Variants in CHMP3 observed in about 807,000 individuals in gnomAD.
CHMP3 encodes charged multivesicular body protein 3, also known as 25.1 protein.
CHMP3 carries 8 observed loss-of-function variants against 27.4 expected under a neutral mutation model. The ratio of observed to expected loss-of-function variants is 0.29; its 90% CI spans 0.17 to 0.53. CHMP3 has a LOEUF of 0.53. Among genes scored for constraint, CHMP3 ranks in the 20% least tolerant of loss-of-function variants. The pLI, the probability that CHMP3 is intolerant of heterozygous loss-of-function variation, is 0.96. For synonymous variants in CHMP3, 86 were observed against 85.5 expected (o/e 1.01, Z -0.03); for missense variants, 208 against 271.5 (o/e 0.77, Z 1.64).
intron 1 of CHMP3, among the ~76,000 whole-genome samples, chr2:86,553,692 T>C (rs1677001347): frequency 6.6e-6 from 1 of 152,168 alleles, no homozygotes. Flanking sequence ...AATCCTAAGT[T>C]TTAAAAAGTT....
chr2:86,531,396 T>C (rs1424832880), intron 2 of CHMP3, among the ~76,000 whole-genome samples: 1 of 152,180 alleles, frequency 6.6e-6, no homozygotes, highest in Non-Finnish European at 1.5e-5. Flanking sequence ...GATGGATCTA[T>C]GTTGCTCAGG....
intron 1 of CHMP3, among the ~76,000 whole-genome samples, chr2:86,544,214 T>C (rs996881591): frequency 1.3e-5 from 2 of 152,236 alleles, no homozygotes; most frequent in Middle Eastern, 3.2e-3. Flanking sequence ...AATGGAAATC[T>C]GGGTTGTTTA....
chr2:86,544,845 T>C (rs533936638), intron 1 of CHMP3, among the ~76,000 whole-genome samples: 2 of 152,368 alleles, frequency 1.3e-5, no homozygotes, highest in East Asian at 3.9e-4. Flanking sequence ...TCTTGATGGT[T>C]GCTGTCTCTT....
At chr2:86,515,636 T>C (rs1156768805) in intron 3 of CHMP3, among the ~76,000 whole-genome samples, 3 of 152,246 alleles carry the variant, frequency 2.0e-5, no homozygotes, top group Admixed American at 1.3e-4. Flanking sequence ...ATTCCTTTTA[T>C]TTGGAGGACA....
intron 2 of CHMP3, among the ~76,000 whole-genome samples, chr2:86,532,935 G>A (rs933335885): frequency 3.3e-5 from 5 of 152,158 alleles, no homozygotes; most frequent in Non-Finnish European, 7.4e-5. Context: ...GACAATACTG[G>A]CAACATAGAA....
chr2:86,547,970 A>C (rs1351818176), intron 1 of CHMP3, among the ~76,000 whole-genome samples: 2 of 152,320 alleles, frequency 1.3e-5, no homozygotes, highest in Non-Finnish European at 2.9e-5. Context: ...TAGGCAAAGG[A>C]AACTAACACC....
rs1676404393 is a variant in CHMP3 at position 86,542,455 on chromosome 2, A to T, written c.46-143T>A. ...TTCAAAGACAGAGCTTTAGGGTCAA[A>T]TTTTACTTTTTTTTAATTTCACCTC... is the stretch of plus-strand genomic sequence containing the variant. On this transcript the variant is annotated intron_variant, in intron 1 of 5. Transcript: ENST00000263856. The T allele has an allele frequency of 2.3e-5, 18 of 797,128 alleles. No individual in the cohort carries two copies. In the South Asian group the frequency reaches 3.1e-4, roughly 14 times the overall value. 49.4% of individuals were successfully genotyped at this position (797,128 alleles called of 1,614,324 possible).
chr2:86,531,877 G>C (rs1166901963), intron 2 of CHMP3, among the ~76,000 whole-genome samples: 1 of 152,134 alleles, frequency 6.6e-6, no homozygotes, highest in Non-Finnish European at 1.5e-5. Flanking sequence ...GGCAAGTTTT[G>C]AAACCAGGAA....
chr2:86,516,622 G>A lies in CHMP3; in HGVS notation c.287-6143C>T, dbSNP rs1675318226. Among the ~76,000 whole-genome samples the A allele has an allele frequency of 2.6e-5, 4 of 152,314 alleles. No individual in the cohort carries two copies. In the South Asian group the frequency reaches 8.3e-4, roughly 32 times the overall value. ...TAATAGCCAACAACTGGAAGCAACT[G>A]AGAAGGCCTACAATGGGTAAATGGT... On this transcript the variant is annotated intron_variant, in intron 3 of 5. Transcript: ENST00000263856.
rs1440511212 is a variant in CHMP3, at chr2:86,503,810, G to C, written c.*1994C>G. 1 of 152,210 alleles carries C rather than the reference G, an allele frequency of 6.6e-6. No homozygotes were observed. Among genetic ancestry groups the C allele is most frequent in the Non-Finnish European group, 1.5e-5 (1 of 68,040 alleles). 9.4% of individuals were successfully genotyped at this position (152,210 alleles called of 1,614,324 possible). A position where few individuals can be genotyped will look rare whatever the true frequency, so the allele number is the denominator to read the frequency against. ...CATGTCCTTTGCAGGAACATGGATG[G>C]GGCTGGAGGCCATTATCCTTAACAA... On this transcript the variant is annotated 3_prime_UTR_variant, in exon 6 of 6. Transcript: ENST00000263856.
intron 3 of CHMP3, among the ~76,000 whole-genome samples, chr2:86,516,799 T>C (rs1675323216): frequency 6.6e-6 from 1 of 152,190 alleles, no homozygotes; most frequent in Non-Finnish European, 1.5e-5. Context: ...CATAATTCCA[T>C]TTATACAACA....
rs1275666735 is a variant in CHMP3, at chr2:86,505,527, C to G, written c.*277G>C. The G allele has an allele frequency of 9.1e-6, 3 of 328,450 alleles. No homozygotes were observed. Among genetic ancestry groups the G allele is most frequent in the Non-Finnish European group, 1.6e-5 (3 of 184,128 alleles). 20.3% of individuals were successfully genotyped at this position (328,450 alleles called of 1,614,324 possible). On this transcript the variant is annotated 3_prime_UTR_variant, in exon 6 of 6. Transcript: ENST00000263856. Reference sequence around the variant, plus strand: ...GTAGAGTCTTCGACATTCAGGCAATCACCTATATTTTCAGAAGTGCTTCAT... The same window carrying G: ...GTAGAGTCTTCGACATTCAGGCAATGACCTATATTTTCAGAAGTGCTTCAT...
At chr2:86,522,927 G>A (rs140041358) in intron 3 of CHMP3, among the ~76,000 whole-genome samples, 1 of 152,190 alleles carries the variant, frequency 6.6e-6, no homozygotes, top group East Asian at 1.9e-4. Context: ...ACTGTTTCCT[G>A]AACATAGCCT....
At chr2:86,559,140 G>A (rs772084042) in intron 1 of CHMP3, among the ~76,000 whole-genome samples, 2 of 152,198 alleles carry the variant, frequency 1.3e-5, no homozygotes, top group Admixed American at 6.5e-5. Flanking sequence ...ATGTAAGTGG[G>A]CACCATCCAA....
At chr2:86,516,102 C>T (rs1010823947) in intron 3 of CHMP3, among the ~76,000 whole-genome samples, 7 of 146,022 alleles carry the variant, frequency 4.8e-5, no homozygotes, top group African/African-American at 1.5e-4. Context: ...GAGCCGAGAT[C>T]GCACCACTGC....
intron 1 of CHMP3, among the ~76,000 whole-genome samples, chr2:86,558,337 A>C (rs1677202629): frequency 6.6e-6 from 1 of 152,180 alleles, no homozygotes; most frequent in African/African-American, 2.4e-5. Context: ...TCTCCACCAC[A>C]GTTTGTGCAG....
chr2:86,526,741 G>T (rs1675728827), intron 3 of CHMP3, among the ~76,000 whole-genome samples: 1 of 150,430 alleles, frequency 6.6e-6, no homozygotes. Flanking sequence ...GTTTTGTTTT[G>T]TCTTGTTTTA....
At chr2:86,537,898 G>A (rs1313330003) in intron 2 of CHMP3, among the ~76,000 whole-genome samples, 1 of 152,110 alleles carries the variant, frequency 6.6e-6, no homozygotes, top group Non-Finnish European at 1.5e-5. Context: ...ATTTGATCCA[G>A]TAATGCTACT....
At chr2:86,548,899 G>A (rs531287256) in intron 1 of CHMP3, among the ~76,000 whole-genome samples, 290 of 150,254 alleles carry the variant, frequency 1.9e-3, no homozygotes, top group Non-Finnish European at 2.9e-3. Context: ...CAGCCGGGCA[G>A]AGGTGCTCCC....
Sources: allele counts gnomAD v4.1 joint callset (sites outside exome capture counted in the v4.1 genomes callset), GRCh38; gene constraint gnomAD v4.1.1; transcripts MANE v1.5; gene names NCBI Gene and HGNC (gene_info 2026-07-23, HGNC 2026-07-21).